BMPER: variants seen among roughly 807,000 people sequenced by gnomAD.
The protein encoded by BMPER is BMP binding endothelial regulator, also known as BMP-binding endothelial regulator protein.
Under a neutral mutation model 87.3 loss-of-function variants are expected in BMPER, and 45 were observed. The ratio of observed to expected loss-of-function variants is 0.52; its 90% confidence interval spans 0.41 to 0.66. The LOEUF (loss-of-function observed/expected upper bound fraction) is 0.66, where lower values mean the gene tolerates loss of function less well. Ranked by LOEUF, BMPER falls within the 30% of genes least tolerant of loss-of-function variation. The pLI is 0.00. For synonymous variants in BMPER, 326 were observed against 316.2 expected (o/e 1.03, Z -0.33); for missense variants, 784 against 867.5 (o/e 0.90, Z 1.21).
chr7:34,056,121 G>A (rs1788277410), intron 9 of BMPER, among the ~76,000 whole-genome samples: 1 of 152,196 alleles, frequency 6.6e-6, no homozygotes, highest in Non-Finnish European at 1.5e-5. Context: ...AGAGGTCTTG[G>A]TTCTGATGGA....
intron 5 of BMPER, among the ~76,000 whole-genome samples, chr7:33,974,133 C>T: frequency 6.6e-6 from 1 of 152,292 alleles, no homozygotes; most frequent in East Asian, 1.9e-4. Flanking sequence ...AGCTCTGCCA[C>T]CTGCCAGCTG....
chr7:34,110,901 C>A (rs1789945151), intron 13 of BMPER, among the ~76,000 whole-genome samples: 1 of 152,092 alleles, frequency 6.6e-6, no homozygotes, highest in African/African-American at 2.4e-5. Flanking sequence ...TAAAGTCTCT[C>A]AGGGGAGATT....
intron 10 of BMPER, 134 bp downstream of exon 10, chr7:34,058,297 C>G (rs930845171): frequency 4.8e-6 from 4 of 840,014 alleles, no homozygotes; most frequent in Non-Finnish European, 7.9e-6. Flanking sequence ...AGTCAAATGC[C>G]TCTTGCAAAG....
At chr7:34,130,971 A>G (rs1309072320) in intron 13 of BMPER, among the ~76,000 whole-genome samples, 1 of 151,930 alleles carries the variant, frequency 6.6e-6, no homozygotes, top group East Asian at 1.9e-4. Flanking sequence ...AAAAGAGAAA[A>G]TCATGTGATG....
intron 2 of BMPER, among the ~76,000 whole-genome samples, chr7:33,935,194 G>C (rs1041506417): frequency 1.3e-5 from 2 of 152,266 alleles, no homozygotes; most frequent in South Asian, 4.1e-4. Context: ...TGGAGAAAAG[G>C]GGGTGAGGGA....
intron 3 of BMPER, among the ~76,000 whole-genome samples, chr7:33,964,770 T>C (rs1315361119): frequency 6.6e-6 from 1 of 152,214 alleles, no homozygotes; most frequent in East Asian, 1.9e-4. Flanking sequence ...GGATCTTTGC[T>C]TGCACTATTA....
At chr7:34,021,702 T>C (rs1787192307) in intron 6 of BMPER, among the ~76,000 whole-genome samples, 1 of 152,068 alleles carries the variant, frequency 6.6e-6, no homozygotes, top group African/African-American at 2.4e-5. Context: ...ATTCATGGGA[T>C]AGAAACATAA....
intron 13 of BMPER, among the ~76,000 whole-genome samples, chr7:34,099,986 G>A (rs1315496436): frequency 6.6e-6 from 1 of 151,912 alleles, no homozygotes; most frequent in African/African-American, 2.4e-5. Flanking sequence ...CCTACAACAG[G>A]GGATTCTCTG....
intron 6 of BMPER, among the ~76,000 whole-genome samples, chr7:33,976,226 C>A (rs1785683769): frequency 6.6e-6 from 1 of 152,064 alleles, no homozygotes; most frequent in Admixed American, 6.5e-5. Context: ...TATGTCAGCT[C>A]CCTGCAGCCT....
In BMPER at chr7:34,133,266, G is replaced by T. The variant is rs184211262; in HGVS notation, c.1746-9964G>T. On this transcript the variant is annotated intron_variant, in intron 13 of 14. Coordinates refer to ENST00000649409, the MANE Select transcript of BMPER (RefSeq NM_001365308.1). ...TCCAAGGAGGGGAGAGGGGCTGAAA[G>T]TTGAGTTGATCACCAATGGCTGGTG... 3.2e-4 allele frequency among the ~76,000 whole-genome samples: 48 copies of T among 152,272 alleles called. No homozygotes were observed. The East Asian group carries it at 3.7e-3, about 12-fold the overall frequency.
chr7:34,123,856 G>T (rs1356807677), intron 13 of BMPER, among the ~76,000 whole-genome samples: 1 of 152,088 alleles, frequency 6.6e-6, no homozygotes, highest in Non-Finnish European at 1.5e-5. Context: ...GTACTTAAAG[G>T]AATGCATGTA....
intron 2 of BMPER, among the ~76,000 whole-genome samples, chr7:33,921,397 C>T (rs987340885): frequency 6.6e-6 from 1 of 152,140 alleles, no homozygotes; most frequent in Admixed American, 6.6e-5. Context: ...AAAAGCAAGG[C>T]GAAAGTCCTA....
rs533180074 is a variant in BMPER at position 33,943,513 on chromosome 7, G to T, written c.319+6125G>T. On this transcript the variant is annotated intron_variant, in intron 3 of 14. Transcript: ENST00000649409. ...TTTGCAAGCTGCAGGGAACCAGCTT[G>T]TCATTCCTGTCAGGCCCATGTGTGT... 1.4e-4 allele frequency among the ~76,000 whole-genome samples: 21 copies of T among 152,260 alleles called. No individual in the cohort carries two copies. The East Asian group carries it at 2.1e-3, about 15-fold the overall frequency.
Position 33,933,054 on chromosome 7 carries a change from C to G in BMPER, c.220-4235C>G, listed in dbSNP as rs116150311. Among the ~76,000 whole-genome samples, 1,247 of 152,292 alleles carry G rather than the reference C, an allele frequency of 8.2e-3. 17 individuals carry two copies. The highest frequency in any genetic ancestry group is 0.029 in the African/African-American group (1,200 of 41,546). On this transcript the variant is annotated intron_variant, in intron 2 of 14. Transcript: ENST00000649409. ...GACCGGGGACTCTGTGCTGCCATCT[C>G]GTGGCAGATCTCAGACACAGCAAGC...
intron 2 of BMPER, among the ~76,000 whole-genome samples, chr7:33,916,999 A>T (rs936701164): frequency 3.3e-5 from 5 of 152,236 alleles, no homozygotes; most frequent in Non-Finnish European, 5.9e-5. Context: ...AATGAATGTA[A>T]TCACATTTGA....
At chr7:34,057,962 G>T in intron 9 of BMPER, 97 bp from the exon 10 acceptor site, 1 of 1,065,190 alleles carries the variant, frequency 9.4e-7, no homozygotes, top group Non-Finnish European at 1.4e-6. Context: ...CCTCACTCAG[G>T]GCAAGAAATG....
At chr7:34,110,371 G>A (rs1005219093) in intron 13 of BMPER, among the ~76,000 whole-genome samples, 2 of 152,204 alleles carry the variant, frequency 1.3e-5, no homozygotes, top group Non-Finnish European at 2.9e-5. Flanking sequence ...ACAGGAGGGA[G>A]AGTAGGAAAG....
chr7:33,967,442 A>G (rs923486971), intron 4 of BMPER, among the ~76,000 whole-genome samples: 3 of 152,202 alleles, frequency 2.0e-5, no homozygotes, highest in African/African-American at 7.2e-5. Flanking sequence ...TGAAATCTAA[A>G]TTTTAGGTAG....
intron 5 of BMPER, among the ~76,000 whole-genome samples, chr7:33,974,236 G>A (rs910789085): frequency 6.6e-6 from 1 of 152,160 alleles, no homozygotes; most frequent in Non-Finnish European, 1.5e-5. Flanking sequence ...GGGATGTGGA[G>A]TGAGATTGGG....
Sources: gnomAD v4.1 joint callset for allele counts (sites outside exome capture counted in the v4.1 genomes callset) on GRCh38, gnomAD v4.1.1 for gene constraint, MANE v1.5 for transcripts, NCBI Gene and HGNC (gene_info 2026-07-23, HGNC 2026-07-21) for gene names.